The following NUP210L variants were observed in gnomAD, a reference collection of about 807,000 sequenced individuals.
NUP210L encodes the protein nuclear pore membrane glycoprotein 210-like.
NUP210L carries 74 observed loss-of-function variants against 208.5 expected under a neutral mutation model. That is an observed-to-expected ratio of 0.35 (90% CI 0.29 to 0.43). The LOEUF (loss-of-function observed/expected upper bound fraction) is 0.43. Among genes scored for constraint, NUP210L ranks in the 20% least tolerant of loss-of-function variants. The probability of loss-of-function intolerance (pLI) is 1.00; values close to 1 mark genes in which losing one functional copy is unlikely to be tolerated. For synonymous variants in NUP210L, 780 were observed against 816.9 expected (o/e 0.95, Z 0.77); for missense variants, 1,843 against 2,289.4 (o/e 0.81, Z 3.98).
chr1:154,025,767 G>C lies in NUP210L; in HGVS notation c.3948-51C>G, dbSNP rs555569449. On this transcript the variant is annotated intron_variant, in intron 29 of 39. Transcript: ENST00000368559. ...ATCTTTTTGGGGTCCTGTCTGACCA[G>C]AGAGAAAAGAGTAAAAATTTCCAGG... 32 of 1,507,232 alleles carry C rather than the reference G, an allele frequency of 2.1e-5. No individual in the cohort carries two copies. In the South Asian group the frequency reaches 3.5e-4, roughly 16 times the overall value. The allele number at this position is 1,507,232 out of a possible 1,614,324, so 93.4% of individuals were successfully genotyped here. A position where few individuals can be genotyped will look rare whatever the true frequency, so the allele number is the denominator to read the frequency against.
chr1:154,052,304 T>C (rs938579273), intron 25 of NUP210L, among the ~76,000 whole-genome samples: 2 of 152,184 alleles, frequency 1.3e-5, no homozygotes, highest in Non-Finnish European at 1.5e-5. Context: ...AACCTTATCA[T>C]GAGCCAGATG....
intron 13 of NUP210L, 145 bp from the exon 14 acceptor site, chr1:154,100,288 A>G (rs1348440598): frequency 3.0e-6 from 2 of 664,316 alleles, no homozygotes; most frequent in Non-Finnish European, 5.1e-6. Flanking sequence ...CGTGTCTACA[A>G]AATATTTAAA....
In NUP210L at chr1:154,086,043, C is replaced by A. The variant is rs534927812; in HGVS notation, c.2361+3378G>T. Among the ~76,000 whole-genome samples, 4 of 151,790 alleles carry A rather than the reference C, an allele frequency of 2.6e-5. 1 individual carries two copies. The highest frequency in any genetic ancestry group is 5.9e-5 in the Non-Finnish European group (4 of 67,940). On this transcript the variant is annotated intron_variant, in intron 16 of 39. Coordinates refer to ENST00000368559, the Ensembl canonical transcript of NUP210L. ...CCTGGCCAATATGGTGAAACCCTGT[C>A]TCTACTAAAAATACAAAAATTAGCC...
At chr1:153,997,021 T>C (rs1189741536) in intron 37 of NUP210L, among the ~76,000 whole-genome samples, 3 of 152,028 alleles carry the variant, frequency 2.0e-5, no homozygotes, top group African/African-American at 4.8e-5. Context: ...TGCAGTGCAA[T>C]GGCATGATCT....
Position 153,992,943 on chromosome 1 carries a change from A to G in NUP210L, c.5567-8T>C, listed in dbSNP as rs775490022. The G allele has an allele frequency of 6.2e-7, 1 of 1,609,878 alleles. No homozygotes were observed. The highest frequency in any genetic ancestry group is 8.5e-7 in the Non-Finnish European group (1 of 1,178,152). ...TTGTGGAGTTAAAAAAACCTAGAAG[A>G]AGAGGGAAAAGTTGAGTGAATTAAA... On this transcript the variant is annotated splice_polypyrimidine_tract_variant and splice_region_variant and intron_variant, in intron 39 of 39. Coordinates refer to ENST00000368559, the Ensembl canonical transcript of NUP210L.
intron 16 of NUP210L, among the ~76,000 whole-genome samples, chr1:154,074,978 C>T (rs937233807): frequency 6.6e-6 from 1 of 152,152 alleles, no homozygotes; most frequent in Non-Finnish European, 1.5e-5. Context: ...CTCAGATTAT[C>T]TACAATTTGG....
At chr1:154,012,467 G>C in intron 33 of NUP210L, 97 bp from the exon 34 acceptor site, 2 of 1,163,194 alleles carry the variant, frequency 1.7e-6, no homozygotes, top group Non-Finnish European at 2.4e-6. Context: ...AAAAGTATCT[G>C]TTTCACACAA....
intron 27 of NUP210L, among the ~76,000 whole-genome samples, chr1:154,035,402 C>CTT (rs879393243): frequency 1.4e-5 from 2 of 143,454 alleles, no homozygotes; most frequent in Admixed American, 7.0e-5. Flanking sequence ...ATTTTTTCTA[C>CTT]TTTTTTTTTT....
In NUP210L at chr1:154,143,230, T is replaced by A. The variant is rs903115872; in HGVS notation, c.472+216A>T. On this transcript the variant is annotated intron_variant, in intron 3 of 39. Transcript: ENST00000368559. ...AAAAAAAAAAAGAAAGGAAAAGTTC[T>A]GAGATAACTAACAATAGCAGGAATA... Among the ~76,000 whole-genome samples, 3 of 151,656 alleles carry A rather than the reference T, an allele frequency of 2.0e-5. No homozygotes were observed. In the South Asian group the frequency reaches 6.2e-4, roughly 32 times the overall value.
At chr1:154,082,556 T>C (rs1278598281) in intron 16 of NUP210L, among the ~76,000 whole-genome samples, 3 of 152,204 alleles carry the variant, frequency 2.0e-5, no homozygotes, top group Non-Finnish European at 2.9e-5. Context: ...CCCATCCCTA[T>C]ATCTCACCCT....
At chr1:154,046,825 G>A (rs1287507368) in intron 25 of NUP210L, among the ~76,000 whole-genome samples, 1 of 152,232 alleles carries the variant, frequency 6.6e-6, no homozygotes, top group Non-Finnish European at 1.5e-5. Context: ...AGCACTTTGG[G>A]AGGCCGGGTG....
At chr1:154,112,574 C>A (rs957991890) in intron 12 of NUP210L, among the ~76,000 whole-genome samples, 15 of 151,990 alleles carry the variant, frequency 9.9e-5, no homozygotes, top group African/African-American at 3.6e-4. Flanking sequence ...AATATATACA[C>A]CTACCACGTA....
At chr1:154,128,515 G>A (rs2148120802) in intron 8 of NUP210L, among the ~76,000 whole-genome samples, 1 of 151,858 alleles carries the variant, frequency 6.6e-6, no homozygotes, top group African/African-American at 2.4e-5. Flanking sequence ...ATAATTTAGG[G>A]TTCCAAAAAT....
intron 16 of NUP210L, among the ~76,000 whole-genome samples, chr1:154,071,595 T>G (rs1394527448): frequency 6.7e-6 from 1 of 148,762 alleles, no homozygotes; most frequent in East Asian, 2.0e-4. Context: ...TCCAATCCCA[T>G]CCAGGTTGCT....
intron 33 of NUP210L, among the ~76,000 whole-genome samples, chr1:154,016,049 G>C (rs1651231683): frequency 6.6e-6 from 1 of 151,980 alleles, no homozygotes; most frequent in Admixed American, 6.6e-5. Flanking sequence ...GAATCTAGGA[G>C]TTTGAGACCA....
intron 17 of NUP210L, among the ~76,000 whole-genome samples, chr1:154,066,113 C>T (rs1654402400): frequency 6.6e-6 from 1 of 151,982 alleles, no homozygotes; most frequent in Non-Finnish European, 1.5e-5. Context: ...ATCTCTGGGA[C>T]ACATTTAAAG....
intron 35 of NUP210L, among the ~76,000 whole-genome samples, chr1:154,002,696 C>T (rs773000135): frequency 1.6e-4 from 24 of 151,360 alleles, no homozygotes; most frequent in Middle Eastern, 3.4e-3. Flanking sequence ...AACTCCTGGG[C>T]TCAAGCGATC....
At chr1:154,029,954 C>T in exon 28 of NUP210L, 1 of 1,611,980 alleles carries the variant, frequency 6.2e-7, no homozygotes, top group Non-Finnish European at 8.5e-7. Context: ...CCCAGAGGAA[C>T]TGTTCATGCA....
chr1:154,058,522 A>AT (rs1232705381), intron 21 of NUP210L, 43 bp downstream of exon 21: 3 of 1,600,512 alleles, frequency 1.9e-6, no homozygotes, highest in Non-Finnish European at 2.6e-6. Flanking sequence ...GGTAGTGAGA[A>AT]TAAGTCTTGC....
Sources: gnomAD v4.1 joint callset for allele counts (sites outside exome capture counted in the v4.1 genomes callset) on GRCh38, gnomAD v4.1.1 for gene constraint, MANE v1.5 for transcripts, NCBI Gene and HGNC (gene_info 2026-07-23, HGNC 2026-07-21) for gene names.